Variants in OPCML observed in about 807,000 individuals in gnomAD.
OPCML encodes the protein opioid-binding protein/cell adhesion molecule.
OPCML carries 13 observed loss-of-function variants against 37.8 expected under a neutral mutation model. The observed-to-expected ratio is 0.34, with a 90% confidence interval of 0.22 to 0.55. OPCML has a LOEUF of 0.55. Among genes scored for constraint, OPCML ranks in the 20% least tolerant of loss-of-function variants. The pLI, the probability that OPCML is intolerant of heterozygous loss-of-function variation, is 0.91. For missense variants in OPCML, 341 were observed against 435.6 expected (o/e 0.78, Z 1.93); for synonymous variants, 176 against 168.8 (o/e 1.04, Z -0.33).
intron 5 of OPCML, 60 bp downstream of exon 5, chr11:132,437,162 T>C (rs1045081994): frequency 1.9e-6 from 3 of 1,586,562 alleles, no homozygotes; most frequent in African/African-American, 1.4e-5. Flanking sequence ...ATTACCAGAT[T>C]GTCCACCTAC....
intron 1 of OPCML, among the ~76,000 whole-genome samples, chr11:133,481,006 C>A (rs1319958809): frequency 6.6e-6 from 1 of 152,190 alleles, no homozygotes; most frequent in Non-Finnish European, 1.5e-5. Context: ...GAGTGGGGCC[C>A]AGGCACTTGG....
At chr11:132,689,584 C>T (rs750012209) in intron 2 of OPCML, among the ~76,000 whole-genome samples, 1 of 152,162 alleles carries the variant, frequency 6.6e-6, no homozygotes, top group Non-Finnish European at 1.5e-5. Flanking sequence ...TGAGATGGCT[C>T]AATGTCATAA....
chr11:132,872,784 C>A (rs1018797934), intron 2 of OPCML, among the ~76,000 whole-genome samples: 2 of 152,002 alleles, frequency 1.3e-5, no homozygotes, highest in Non-Finnish European at 2.9e-5. Flanking sequence ...AAGAGGGCTC[C>A]CCATTCCTGA....
Position 132,753,579 on chromosome 11 carries a change from G to T in OPCML, c.147-96260C>A, listed in dbSNP as rs540945066. Among the ~76,000 whole-genome samples, 20 of 150,754 alleles carry T rather than the reference G, an allele frequency of 1.3e-4. No individual in the cohort carries two copies. The East Asian group carries it at 3.9e-3, about 29-fold the overall frequency. On this transcript the variant is annotated intron_variant, in intron 2 of 7. Transcript: ENST00000524381. ...TATTGCACATATATAGATAGATATG[G>T]ATAATAGGTAGACAGACAGATAATA...
At chr11:132,945,460 A>G (rs1019578572) in intron 1 of OPCML, among the ~76,000 whole-genome samples, 2 of 152,232 alleles carry the variant, frequency 1.3e-5, no homozygotes, top group Non-Finnish European at 1.5e-5. Context: ...TGTACAGGAC[A>G]TTTGCCGCAG....
intron 1 of OPCML, among the ~76,000 whole-genome samples, chr11:133,447,332 A>C (rs1476586536): frequency 2.0e-5 from 3 of 152,200 alleles, no homozygotes; most frequent in Non-Finnish European, 4.4e-5. Context: ...TTCTTTGAAG[A>C]GATACCTATT....
rs369391702 is a variant in OPCML, at chr11:132,808,989, CG to C, written c.146+133936del. Among the ~76,000 whole-genome samples the C allele has an allele frequency of 4.0e-3, 605 of 150,646 alleles. 4 individuals carry two copies. The highest frequency in any genetic ancestry group is 0.014 in the African/African-American group (575 of 40,900). On this transcript the variant is annotated intron_variant, in intron 2 of 7. Transcript: ENST00000524381. ...TTTTTTAAAATTTGGTCGGTGGGGG[CG>C]GGGGGGTTGCTTTTTAAAAGTTTGC...
At chr11:133,269,875 G>T (rs1224203419) in intron 1 of OPCML, among the ~76,000 whole-genome samples, 2 of 152,210 alleles carry the variant, frequency 1.3e-5, no homozygotes, top group Non-Finnish European at 2.9e-5. Context: ...TGTAGTTAAA[G>T]ATCTTCATGA....
intron 2 of OPCML, among the ~76,000 whole-genome samples, chr11:132,658,568 G>A (rs1941815152): frequency 6.6e-6 from 1 of 152,184 alleles, no homozygotes; most frequent in Non-Finnish European, 1.5e-5. Flanking sequence ...CTGGTTGGTA[G>A]GAAGAATAAA....
chr11:133,114,298 A>G (rs922511266), intron 1 of OPCML, among the ~76,000 whole-genome samples: 1 of 152,100 alleles, frequency 6.6e-6, no homozygotes, highest in Non-Finnish European at 1.5e-5. Flanking sequence ...AGTCAGTGCC[A>G]ATGTGTCATC....
chr11:132,981,350 G>T (rs1323297181), intron 1 of OPCML, among the ~76,000 whole-genome samples: 1 of 152,126 alleles, frequency 6.6e-6, no homozygotes, highest in Non-Finnish European at 1.5e-5. Context: ...AGGTGACAGG[G>T]GCCCACTCTG....
At chr11:132,535,367 G>C (rs1229096530) in intron 3 of OPCML, among the ~76,000 whole-genome samples, 1 of 152,054 alleles carries the variant, frequency 6.6e-6, no homozygotes, top group East Asian at 1.9e-4. Context: ...AAGGAACAGG[G>C]TACAGGACAT....
intron 3 of OPCML, among the ~76,000 whole-genome samples, chr11:132,532,468 C>A (rs146719632): frequency 3.9e-5 from 6 of 152,188 alleles, no homozygotes; most frequent in African/African-American, 1.2e-4. Flanking sequence ...GAGAGAAGAT[C>A]CTTACAAATG....
intron 1 of OPCML, among the ~76,000 whole-genome samples, chr11:133,052,067 A>G (rs1167676131): frequency 1.3e-5 from 2 of 152,222 alleles, no homozygotes; most frequent in Admixed American, 6.5e-5. Flanking sequence ...GACATCACAA[A>G]GAGATTTGAA....
At chr11:133,124,392 C>T (rs1359842179) in intron 1 of OPCML, among the ~76,000 whole-genome samples, 6 of 152,050 alleles carry the variant, frequency 3.9e-5, no homozygotes, top group Non-Finnish European at 7.4e-5. Flanking sequence ...GCCCAGGGCA[C>T]CCTAGACCCA....
chr11:133,024,648 C>A (rs1409666899), intron 1 of OPCML: 3 of 899,960 alleles, frequency 3.3e-6, no homozygotes, highest in Non-Finnish European at 4.0e-6. Context: ...TTTCCCTGGA[C>A]AATTTTGACA....
chr11:132,850,537 GTGT>G (rs1028839123), intron 2 of OPCML, among the ~76,000 whole-genome samples: 3 of 152,022 alleles, frequency 2.0e-5, no homozygotes, highest in Admixed American at 1.3e-4. Flanking sequence ...GTGTGTGTGT[GTGT>G]GTGTGTTTAC....
At chr11:132,463,536 A>G (rs2096109813) in intron 4 of OPCML, among the ~76,000 whole-genome samples, 2 of 152,200 alleles carry the variant, frequency 1.3e-5, no homozygotes, top group South Asian at 4.1e-4. Flanking sequence ...TCTCACGTGC[A>G]TCATCACCCT....
At chr11:132,907,392 G>A (rs1944280129) in intron 2 of OPCML, among the ~76,000 whole-genome samples, 1 of 152,078 alleles carries the variant, frequency 6.6e-6, no homozygotes, top group South Asian at 2.1e-4. Flanking sequence ...CAGCACTTTG[G>A]GAGGCCGAAG....
Sources: gnomAD v4.1 joint callset for allele counts (sites outside exome capture counted in the v4.1 genomes callset) on GRCh38, gnomAD v4.1.1 for gene constraint, MANE v1.5 for transcripts, NCBI Gene and HGNC (gene_info 2026-07-23, HGNC 2026-07-21) for gene names.